ALLC: variants seen among roughly 807,000 people sequenced by gnomAD.
The protein encoded by ALLC is allantoicase.
A neutral mutation model predicts 45.0 loss-of-function variants in ALLC; 40 were observed. The ratio of observed to expected loss-of-function variants is 0.89; its 90% CI spans 0.69 to 1.16. The LOEUF is 1.16. Ranked by LOEUF, ALLC falls within the 50% of genes most tolerant of loss-of-function variation. ALLC has a pLI of 0.00. For missense variants in ALLC, 488 were observed against 493.1 expected, an observed-to-expected ratio of 0.99 and a Z score of 0.10; for synonymous variants, 176 against 178.1, an observed-to-expected ratio of 0.99 and a Z score of 0.09.
the ALLC span, among the ~76,000 whole-genome samples, chr2:3,651,443 T>TGTGTGTGTGAG: frequency 1.2e-4 from 2 of 16,808 alleles, no homozygotes; most frequent in East Asian, 8.7e-4. Flanking sequence ...GTGTGTGTGT[T>TGTGTGTGTGAG]AGGAAGGGAG....
chr2:3,664,584 A>G (rs1303081336), intron 1 of ALLC, among the ~76,000 whole-genome samples: 1 of 152,204 alleles, frequency 6.6e-6, no homozygotes, highest in East Asian at 1.9e-4. Flanking sequence ...ATTTCTGCCA[A>G]TTAAGGCAGA....
At chr2:3,657,956 A>C (rs1330816840), upstream of ALLC, among the ~76,000 whole-genome samples, 1 of 152,230 alleles carries the variant, frequency 6.6e-6, no homozygotes, top group Non-Finnish European at 1.5e-5. Flanking sequence ...CGGACCAGGA[A>C]GGTGGGGGTT....
At chr2:3,646,100 G>C in the ALLC span, among the ~76,000 whole-genome samples, 1 of 152,142 alleles carries the variant, frequency 6.6e-6, no homozygotes, top group Admixed American at 6.5e-5. Context: ...GCAACAGGCA[G>C]GCATGGTTAC....
chr2:3,679,137 T>G (rs1352003314), intron 4 of ALLC, among the ~76,000 whole-genome samples: 1 of 152,246 alleles, frequency 6.6e-6, no homozygotes, highest in Admixed American at 6.5e-5. Context: ...GATAATTGGA[T>G]TTTTACTTGC....
chr2:3,701,896 T>C (rs1166563196), intron 11 of ALLC, among the ~76,000 whole-genome samples: 2 of 152,188 alleles, frequency 1.3e-5, no homozygotes, highest in African/African-American at 2.4e-5. Flanking sequence ...ATGTTTAACT[T>C]TGTAGAAGGG....
chr2:3,660,255 G>A (rs896784028), intron 1 of ALLC, among the ~76,000 whole-genome samples: 2 of 152,120 alleles, frequency 1.3e-5, no homozygotes, highest in African/African-American at 2.4e-5. Context: ...GCTGCACGCC[G>A]GCTCCCTTCA....
intron 10 of ALLC, among the ~76,000 whole-genome samples, chr2:3,699,528 T>C (rs1667767755): frequency 6.6e-6 from 1 of 152,224 alleles, no homozygotes; most frequent in Non-Finnish European, 1.5e-5. Flanking sequence ...AATAATGGGA[T>C]TGCCGAGTCC....
At chr2:3,695,341 T>C (rs1347634222) in intron 7 of ALLC, 1 of 228,084 alleles carries the variant, frequency 4.4e-6, no homozygotes, top group Non-Finnish European at 8.7e-6. Context: ...AAAAAGATAA[T>C]TTCAGGCTGT....
chr2:3,683,262 T>C (rs1667246521), intron 7 of ALLC, among the ~76,000 whole-genome samples, 188 bp downstream of exon 7: 1 of 152,262 alleles, frequency 6.6e-6, no homozygotes, highest in South Asian at 2.1e-4. Flanking sequence ...TAGGTGGTTA[T>C]TGAAAAATTA....
Position 3,696,326 on chromosome 2 carries a change from T to C in ALLC, c.719T>C (p.Leu240Pro). Reference protein sequence around the residue: ...MADGWETARRLDRPPILENDE... With the variant: ...MADGWETARRPDRPPILENDE... ...GATGGTTGGGAAACTGCAAGAAGGC[T>C]GGACCGGCCACCAATATTAGAAGTA... is the stretch of plus-strand genomic sequence containing the variant. Residue 240 changes from leucine to proline, a missense_variant, in exon 9 of 12, where the codon CTG becomes CCG. By Grantham distance (98) the Leu-to-Pro change is moderately conservative (BLOSUM62 -3). Transcript: ENST00000252505. 1 of 1,613,504 alleles carries C rather than the reference T, an allele frequency of 6.2e-7. No homozygotes were observed. Among genetic ancestry groups the C allele is most frequent in the Non-Finnish European group, 8.5e-7 (1 of 1,179,682 alleles).
intron 7 of ALLC, among the ~76,000 whole-genome samples, chr2:3,690,152 T>C (rs1437091902): frequency 6.8e-6 from 1 of 148,038 alleles, no homozygotes; most frequent in Non-Finnish European, 1.5e-5. Flanking sequence ...TAAGCAACAG[T>C]ATACCTTTTA....
chr2:3,669,139 C>G (rs917892873), intron 1 of ALLC, among the ~76,000 whole-genome samples: 3 of 151,288 alleles, frequency 2.0e-5, no homozygotes, highest in African/African-American at 7.3e-5. Context: ...GAGTTTGAGA[C>G]CAGCTTGGCC....
intron 3 of ALLC, among the ~76,000 whole-genome samples, chr2:3,675,716 T>G (rs1351050584): frequency 6.6e-6 from 1 of 152,124 alleles, no homozygotes. Context: ...TACAGATAAA[T>G]GTAAAGTTCA....
intron 4 of ALLC, among the ~76,000 whole-genome samples, chr2:3,678,926 G>A (rs978638332): frequency 1.3e-5 from 2 of 152,100 alleles, no homozygotes; most frequent in African/African-American, 2.4e-5. Context: ...CCGTTTAACC[G>A]CCATGGAAAC....
chr2:3,664,501 A>G (rs1666647093), intron 1 of ALLC, among the ~76,000 whole-genome samples: 1 of 152,184 alleles, frequency 6.6e-6, no homozygotes, highest in South Asian at 2.1e-4. Context: ...CATGGGGGTC[A>G]GTGAGTGGAC....
chr2:3,657,014 T>A (rs1043590328), upstream of ALLC, among the ~76,000 whole-genome samples: 7 of 152,156 alleles, frequency 4.6e-5, no homozygotes, highest in Non-Finnish European at 8.8e-5. Flanking sequence ...AAGTCACGGC[T>A]GACAAGAACT....
rs753472450 is a variant in ALLC at position 3,679,921 on chromosome 2, C to T, written c.225C>T (p.Phe75=). 1.1e-4 allele frequency: 175 copies of T among 1,613,824 alleles called. No individual in the cohort carries two copies. Among genetic ancestry groups the T allele is most frequent in the Middle Eastern group, 1.6e-4 (1 of 6,082 alleles). Residue 75 remains phenylalanine (F), a synonymous_variant, in exon 5 of 12, where the codon TTC becomes TTT. Transcript: ENST00000252505. ...RLGIQGVIRG[F]DVDVSYFTGD... is the part of the protein sequence containing the mutation. ...GGATCCAAGGAGTCATCCGGGGCTT[C>T]GACGTGGACGTTTCTTACTTCACGG...
At chr2:3,691,436 T>A (rs932804351) in intron 7 of ALLC, among the ~76,000 whole-genome samples, 2 of 151,984 alleles carry the variant, frequency 1.3e-5, no homozygotes, top group Non-Finnish European at 2.9e-5. Context: ...GTATTTGTTT[T>A]TTTTTTTGTA....
chr2:3,651,409 GT>G, the ALLC span, among the ~76,000 whole-genome samples: 10 of 49,508 alleles, frequency 2.0e-4, no homozygotes, highest in Non-Finnish European at 2.8e-4. Flanking sequence ...GTGTGTGTGT[GT>G]GTGTGTGTGT....
Sources: gnomAD v4.1 joint callset for allele counts (sites outside exome capture counted in the v4.1 genomes callset) on GRCh38, gnomAD v4.1.1 for gene constraint, MANE v1.5 for transcripts, NCBI Gene and HGNC (gene_info 2026-07-23, HGNC 2026-07-21) for gene names.